Variants in PIK3R4 observed in about 807,000 individuals in gnomAD.
PIK3R4 encodes phosphoinositide-3-kinase regulatory subunit 4.
PIK3R4 carries 46 observed loss-of-function variants against 136.5 expected under a neutral mutation model. The observed-to-expected ratio is 0.34, with a 90% CI of 0.27 to 0.43. The LOEUF is 0.43. PIK3R4 is among the 20% of genes least tolerant of loss of function. PIK3R4 has a pLI of 1.00. For synonymous variants in PIK3R4, 557 were observed against 566.7 expected (o/e 0.98, Z 0.24); for missense variants, 1,331 against 1,649.5 (o/e 0.81, Z 3.35).
chr3:130,682,290 G>A (rs1414571401), intron 16 of PIK3R4, among the ~76,000 whole-genome samples: 2 of 152,148 alleles, frequency 1.3e-5, no homozygotes, highest in Non-Finnish European at 2.9e-5. Flanking sequence ...GTATAACAAT[G>A]AAACAAGATG....
In PIK3R4 at chr3:130,723,531, G is replaced by T; in HGVS notation, c.1864C>A (p.Gln622Lys). ...AATTCCTCAGCATCACTAAGACCTT[G>T]TTGCAGCAGAGGCTTGAGAATTGAG... is the stretch of plus-strand genomic sequence containing the variant. The part of the protein sequence containing the change: ...SSSILKPLLQ[Q>K]GLSDAEEFVI... The change falls in exon 7 of 20, where the codon CAA becomes AAA. Residue 622 changes from glutamine (Q) to lysine (K), a missense_variant. By Grantham distance (53) the Gln-to-Lys change is moderately conservative. Coordinates refer to ENST00000356763, the MANE Select transcript of PIK3R4 (RefSeq NM_014602.3). 6.2e-7 allele frequency: 1 copy of T among 1,614,040 alleles called. No homozygotes were observed. The highest frequency in any genetic ancestry group is 8.5e-7 in the Non-Finnish European group (1 of 1,179,956).
intron 6 of PIK3R4, among the ~76,000 whole-genome samples, chr3:130,724,518 TAA>T (rs1395032404): frequency 1.3e-5 from 2 of 152,058 alleles, no homozygotes; most frequent in Non-Finnish European, 2.9e-5. Context: ...AGTCTATACA[TAA>T]AAGACTTCAT....
At chr3:130,686,130 G>A in intron 15 of PIK3R4, 81 bp downstream of exon 15, 2 of 815,364 alleles carry the variant, frequency 2.5e-6, no homozygotes, top group South Asian at 1.6e-5. Flanking sequence ...GAACAAAGAG[G>A]AAAAAACTGA....
At chr3:130,685,366 C>T (rs2066483600) in intron 15 of PIK3R4, among the ~76,000 whole-genome samples, 1 of 152,142 alleles carries the variant, frequency 6.6e-6, no homozygotes, top group Non-Finnish European at 1.5e-5. Context: ...ACATCACACA[C>T]TGTACCCAAT....
In PIK3R4 at chr3:130,745,022, C is replaced by G; in HGVS notation, c.197G>C (p.Ser66Thr). The change falls in exon 2 of 20, where the codon AGC becomes ACC. Residue 66 changes from serine (S) to threonine (T), a missense_variant. Transcript: ENST00000356763. ...AIQDPTLPLT[S>T]YKQELEELKI... is the part of the protein sequence containing the mutation. ...CAGTTCCTCCAGCTCTTGTTTATAGCTGGTTAAAGGCAATGTGGGATCCTG... is the reference window on the plus strand; with the variant it reads ...CAGTTCCTCCAGCTCTTGTTTATAGGTGGTTAAAGGCAATGTGGGATCCTG... The G allele has an allele frequency of 6.2e-7, 1 of 1,613,828 alleles. No individual in the cohort carries two copies.
At chr3:130,685,700 C>G (rs2108515449) in intron 15 of PIK3R4, among the ~76,000 whole-genome samples, 1 of 152,256 alleles carries the variant, frequency 6.6e-6, no homozygotes, top group East Asian at 1.9e-4. Flanking sequence ...AGTAAGAAAC[C>G]ATTGCTTAGC....
intron 2 of PIK3R4, among the ~76,000 whole-genome samples, chr3:130,739,049 T>C (rs889847333): frequency 3.3e-5 from 5 of 152,160 alleles, no homozygotes; most frequent in Non-Finnish European, 5.9e-5. Context: ...GGCAGGATAT[T>C]AGCACACCTT....
chr3:130,738,851 T>C (rs2066801913), intron 2 of PIK3R4, among the ~76,000 whole-genome samples: 3 of 151,990 alleles, frequency 2.0e-5, no homozygotes, highest in African/African-American at 4.8e-5. Flanking sequence ...TCTATACCAA[T>C]AATAAATAAA....
chr3:130,681,931 G>T (rs2066461052), intron 16 of PIK3R4, among the ~76,000 whole-genome samples: 2 of 152,302 alleles, frequency 1.3e-5, no homozygotes, highest in South Asian at 2.1e-4. Context: ...ACAAGTCAGT[G>T]TGGCAGGAAC....
At chr3:130,720,227 C>G (rs1576459520) in intron 7 of PIK3R4, among the ~76,000 whole-genome samples, 1 of 151,984 alleles carries the variant, frequency 6.6e-6, no homozygotes, top group East Asian at 1.9e-4. Context: ...CGGAGTTTCG[C>G]TCTTATTGCC....
Position 130,728,660 on chromosome 3 carries a change from AC to A in PIK3R4, c.1609del (p.Val537SerfsTer9). On this transcript the variant is annotated frameshift_variant, in exon 6 of 20. Coordinates refer to ENST00000356763, the MANE Select transcript of PIK3R4 (RefSeq NM_014602.3). LOFTEE classifies it high-confidence loss of function. ...TAGCAAAGTAACAACTTTCTGCTGG[AC>A]CATTTCATGTAAGGCTTGGAGCTCT... ...DTELQALHEM[V>X]QQKVVTLLSD... The A allele has an allele frequency of 6.3e-7, 1 of 1,585,126 alleles. No homozygotes were observed. Among genetic ancestry groups the A allele is most frequent in the Non-Finnish European group, 8.6e-7 (1 of 1,162,510 alleles).
intron 13 of PIK3R4, among the ~76,000 whole-genome samples, chr3:130,692,562 C>T (rs2066524956): frequency 6.6e-6 from 1 of 152,224 alleles, no homozygotes; most frequent in Admixed American, 6.5e-5. Flanking sequence ...TATTATTCCA[C>T]TGTATGGCTA....
intron 2 of PIK3R4, among the ~76,000 whole-genome samples, chr3:130,738,918 C>T (rs1384731166): frequency 6.6e-5 from 10 of 152,224 alleles, no homozygotes; most frequent in Non-Finnish European, 1.2e-4. Context: ...TGAGGTCCTA[C>T]TGTTGAATGT....
intron 6 of PIK3R4, chr3:130,725,855 T>G (rs1452258370): frequency 1.3e-5 from 2 of 152,086 alleles, no homozygotes; most frequent in East Asian, 3.8e-4. Context: ...TTCAACTTGA[T>G]AGTTAAGCTA....
At chr3:130,741,912 C>A (rs1312117774) in intron 2 of PIK3R4, among the ~76,000 whole-genome samples, 1 of 152,158 alleles carries the variant, frequency 6.6e-6, no homozygotes, top group Non-Finnish European at 1.5e-5. Flanking sequence ...TATGGTAAGT[C>A]CTCAACGGTA....
At chr3:130,700,779 T>C (rs972604848) in intron 13 of PIK3R4, among the ~76,000 whole-genome samples, 2 of 152,190 alleles carry the variant, frequency 1.3e-5, no homozygotes, top group African/African-American at 4.8e-5. Context: ...GCTCTGGCAA[T>C]AAGAATTGCT....
intron 8 of PIK3R4, 102 bp from the exon 9 acceptor site, chr3:130,716,701 T>C (rs1430167435): frequency 8.6e-6 from 6 of 700,712 alleles, no homozygotes; most frequent in African/African-American, 7.2e-5. Flanking sequence ...ATTCATTTTC[T>C]AAGAAAATAA....
intron 1 of PIK3R4, among the ~76,000 whole-genome samples, chr3:130,745,599 T>C (rs1271357971): frequency 1.3e-5 from 2 of 152,234 alleles, no homozygotes; most frequent in Non-Finnish European, 2.9e-5. Context: ...TATTTAAATT[T>C]AAAATATTAA....
intron 12 of PIK3R4, 135 bp from the exon 13 acceptor site, chr3:130,704,023 G>A: frequency 4.9e-6 from 3 of 611,752 alleles, no homozygotes. Flanking sequence ...ACCAATAGTT[G>A]CCAATAAAGA....
Sources: allele counts gnomAD v4.1 joint callset (sites outside exome capture counted in the v4.1 genomes callset), GRCh38; gene constraint gnomAD v4.1.1; transcripts MANE v1.5; gene names NCBI Gene and HGNC (gene_info 2026-07-23, HGNC 2026-07-21).